Variants in ARHGAP8 observed in about 807,000 individuals in gnomAD.
ARHGAP8 encodes the protein rho GTPase-activating protein 8.
In ARHGAP8, 62 loss-of-function variants were observed where a neutral mutation model predicts 46.1. The ratio of observed to expected loss-of-function variants is 1.34; its 90% confidence interval spans 1.10 to 1.66. ARHGAP8 has a LOEUF of 1.66. Ranked by LOEUF, ARHGAP8 falls within the 40% of genes most tolerant of loss-of-function variation. The probability of loss-of-function intolerance (pLI) is 0.00; values close to 1 mark genes in which losing one functional copy is unlikely to be tolerated. For synonymous variants in ARHGAP8, 375 were observed against 243.1 expected (o/e 1.54, Z -5.05); for missense variants, 923 against 568.4 (o/e 1.62, Z -6.34).
intron 7 of ARHGAP8, among the ~76,000 whole-genome samples, chr22:44,827,343 T>TG (rs1425487067): frequency 7.0e-5 from 8 of 115,044 alleles, no homozygotes; most frequent in African/African-American, 1.1e-4. Flanking sequence ...GTGGTTTTTT[T>TG]TTTTTTTTTT....
intron 2 of ARHGAP8, among the ~76,000 whole-genome samples, chr22:44,800,094 TTCTG>T (rs1057450772): frequency 8.2e-5 from 8 of 97,898 alleles, no homozygotes; most frequent in South Asian, 6.7e-4. Flanking sequence ...CAGGAGTCTG[TTCTG>T]TCTTTTTTTT....
Position 44,862,602 on chromosome 22 carries a change from G to GC in ARHGAP8, c.*7_*8insC, listed in dbSNP as rs2070555603. 1 of 1,554,672 alleles carries GC rather than the reference G, an allele frequency of 6.4e-7. No individual in the cohort carries two copies. Among genetic ancestry groups the GC allele is most frequent in the Non-Finnish European group, 8.7e-7 (1 of 1,147,732 alleles). On this transcript the variant is annotated 3_prime_UTR_variant, in exon 12 of 12. Transcript: ENST00000356099. ...AGCCAGAAGACGTCTCTAGTGTTGC[G>GC]AACACTCTGTATATTTCGAGCTACC... is the stretch of plus-strand genomic sequence containing the variant.
At position 44,802,164 on chromosome 22, in the gene ARHGAP8, A is replaced by C. The variant is rs769647517; in HGVS notation, c.167A>C (p.Glu56Ala). 2.5e-6 allele frequency: 4 copies of C among 1,613,492 alleles called. No individual in the cohort carries two copies. The highest frequency in any genetic ancestry group is 3.4e-6 in the Non-Finnish European group (4 of 1,179,476). Reference protein sequence around the residue: ...SHELDHQRLLEYLKYTLDQYV... With the variant: ...SHELDHQRLLAYLKYTLDQYV... The stretch of plus-strand genomic sequence containing the variant: ...GAGCTGGACCACCAGCGGCTGCTGG[A>C]GTAAGTGTTCTGCCCCCTCTCTTTC... Residue 56 changes from glutamate (E) to alanine (A), a missense_variant and splice_region_variant, in exon 3 of 12, where the codon GAG becomes GCG. Physicochemically the swap from Glu to Ala is moderately radical, Grantham distance 107 (BLOSUM62 -1). Transcript: ENST00000356099.
At chr22:44,821,135 A>G (rs1028177611) in intron 5 of ARHGAP8, among the ~76,000 whole-genome samples, 14 of 152,306 alleles carry the variant, frequency 9.2e-5, no homozygotes, top group African/African-American at 2.9e-4. Flanking sequence ...ACCCACATTA[A>G]TAGTTGTATA....
chr22:44,819,629 C>T (rs554704922), intron 5 of ARHGAP8, among the ~76,000 whole-genome samples: 2 of 152,242 alleles, frequency 1.3e-5, no homozygotes, highest in African/African-American at 4.8e-5. Flanking sequence ...GCCAAGATCG[C>T]GCCATTGCAC....
chr22:44,822,994 A>G (rs1394506386), intron 6 of ARHGAP8, among the ~76,000 whole-genome samples: 1 of 152,254 alleles, frequency 6.6e-6, no homozygotes, highest in Non-Finnish European at 1.5e-5. Flanking sequence ...GGGCGCGGCC[A>G]GATCCAGCCT....
chr22:44,857,034 G>A (rs1478661347), intron 10 of ARHGAP8, among the ~76,000 whole-genome samples: 6 of 141,834 alleles, frequency 4.2e-5, no homozygotes, highest in Non-Finnish European at 9.1e-5. Context: ...TCTGCCTCCC[G>A]GGTTCAAATG....
intron 2 of ARHGAP8, among the ~76,000 whole-genome samples, chr22:44,790,546 CAT>C (rs1927586577): frequency 6.6e-6 from 1 of 151,548 alleles, no homozygotes; most frequent in Non-Finnish European, 1.5e-5. Flanking sequence ...TGTGGTGGCA[CAT>C]ATCTGTAATC....
At chr22:44,841,473 A>G (rs558548535) in intron 7 of ARHGAP8, among the ~76,000 whole-genome samples, 3 of 152,254 alleles carry the variant, frequency 2.0e-5, no homozygotes, top group Admixed American at 6.5e-5. Flanking sequence ...GTGCACTCCT[A>G]GCTCCACGTG....
At chr22:44,784,173 G>A (rs562696463) in intron 1 of ARHGAP8, among the ~76,000 whole-genome samples, 1 of 152,316 alleles carries the variant, frequency 6.6e-6, no homozygotes, top group East Asian at 1.9e-4. Flanking sequence ...GGAGGTCAAG[G>A]AAGGCAGATC....
At chr22:44,839,705 G>T (rs1275491573) in intron 7 of ARHGAP8, among the ~76,000 whole-genome samples, 1 of 152,190 alleles carries the variant, frequency 6.6e-6, no homozygotes, top group Non-Finnish European at 1.5e-5. Context: ...CGATACACAC[G>T]TGGAGGAAAG....
At chr22:44,774,334 T>C (rs1324256282) in intron 1 of ARHGAP8, among the ~76,000 whole-genome samples, 1 of 152,160 alleles carries the variant, frequency 6.6e-6, no homozygotes, top group East Asian at 1.9e-4. Context: ...GTAGTGAGTG[T>C]CCTATCACTG....
chr22:44,762,322 G>A (rs975082888), intron 1 of ARHGAP8, among the ~76,000 whole-genome samples: 1 of 152,066 alleles, frequency 6.6e-6, no homozygotes, highest in South Asian at 2.1e-4. Context: ...TGTAGTCTCA[G>A]CTACTCGGGA....
In ARHGAP8 at chr22:44,757,918, T is replaced by G. The variant is rs150336397; in HGVS notation, c.-72+5291T>G. On this transcript the variant is annotated intron_variant, in intron 1 of 11. Transcript: ENST00000356099. Reference sequence around the variant, plus strand: ...ATCTGCCCACCCTAGGCTTCCCAAATTGCAGGGATTACAGGCATGACCCAC... The same window carrying G: ...ATCTGCCCACCCTAGGCTTCCCAAAGTGCAGGGATTACAGGCATGACCCAC... Among the ~76,000 whole-genome samples, 136 of 151,502 alleles carry G rather than the reference T, an allele frequency of 9.0e-4. 1 individual carries two copies. Among genetic ancestry groups the G allele is most frequent in the African/African-American group, 3.1e-3 (128 of 41,278 alleles).
intron 1 of ARHGAP8, among the ~76,000 whole-genome samples, chr22:44,772,729 A>G (rs1926127159): frequency 1.3e-5 from 2 of 151,810 alleles, no homozygotes; most frequent in Non-Finnish European, 2.9e-5. Flanking sequence ...ATTTTCTGGC[A>G]GAGTTAGTGG....
intron 10 of ARHGAP8, among the ~76,000 whole-genome samples, chr22:44,854,387 C>A (rs982749839): frequency 6.6e-6 from 1 of 151,754 alleles, no homozygotes; most frequent in African/African-American, 2.4e-5. Context: ...CAGGTGTGCG[C>A]CGCCACACCC....
At chr22:44,790,973 T>A (rs1353463095) in intron 2 of ARHGAP8, among the ~76,000 whole-genome samples, 1 of 151,946 alleles carries the variant, frequency 6.6e-6, no homozygotes, top group Non-Finnish European at 1.5e-5. Flanking sequence ...GCTCAGGCAA[T>A]CCACCCTCAT....
At chr22:44,756,214 C>T (rs920130030) in intron 1 of ARHGAP8, among the ~76,000 whole-genome samples, 9 of 152,040 alleles carry the variant, frequency 5.9e-5, no homozygotes, top group African/African-American at 1.9e-4. Context: ...CTGGGTAGCT[C>T]CCCGCTCCCT....
intron 9 of ARHGAP8, among the ~76,000 whole-genome samples, chr22:44,848,426 C>A (rs909421164): frequency 9.2e-5 from 14 of 152,380 alleles, no homozygotes; most frequent in Non-Finnish European, 1.5e-4. Flanking sequence ...CATGTGTAAC[C>A]CGCAGGCAGG....
Sources: gnomAD v4.1 joint callset for allele counts (sites outside exome capture counted in the v4.1 genomes callset) on GRCh38, gnomAD v4.1.1 for gene constraint, MANE v1.5 for transcripts, NCBI Gene and HGNC (gene_info 2026-07-23, HGNC 2026-07-21) for gene names.